TAS2R14: variants seen among roughly 807,000 people sequenced by gnomAD.
TAS2R14 encodes taste receptor type 2 member 14.
For synonymous variants in TAS2R14, 131 were observed against 131.0 expected (o/e 1.00, Z 0.00); for missense variants, 383 against 372.0 (o/e 1.03, Z -0.24).
At chr12:10,937,590 C>G (rs1320789501) in exon 1 of TAS2R14, 7 of 152,124 alleles carry the variant, frequency 4.6e-5, no homozygotes, top group South Asian at 2.1e-4. Context: ...GATTACTTAA[C>G]ACTTTGAATG....
At chr12:10,938,464 GA>G (rs765543124) in exon 5 of TAS2R14, 2 of 1,614,002 alleles carry the variant, frequency 1.2e-6, no homozygotes, top group South Asian at 2.2e-5. Flanking sequence ...AAACTGATAT[GA>G]AAAAAGACAG....
chr12:10,938,065 T>G (rs868049996), exon 1 of TAS2R14: 14 of 493,522 alleles, frequency 2.8e-5, no homozygotes, highest in Middle Eastern at 5.3e-4. Flanking sequence ...TTTATAGTAT[T>G]CGCATTCTTC....
At chr12:10,939,091 T>C in exon 1 of TAS2R14, 2 of 1,614,032 alleles carry the variant, frequency 1.2e-6, no homozygotes, top group Non-Finnish European at 1.7e-6. Flanking sequence ...AAGAGATCTT[T>C]CTTCCCTTGA....
At chr12:10,938,551 G>A (rs367647949) in exon 1 of TAS2R14, 22 of 1,613,864 alleles carry the variant, frequency 1.4e-5, no homozygotes, top group Middle Eastern at 1.6e-4. Context: ...TGGCGTCTCC[G>A]GATATTTTGA....
At chr12:10,938,174 C>CA in exon 1 of TAS2R14, 1 of 972,394 alleles carries the variant, frequency 1.0e-6, no homozygotes, top group South Asian at 1.8e-5. Flanking sequence ...CAAAGTTATA[C>CA]ACAATGAAAG....
chr12:10,938,384 C>G, exon 1 of TAS2R14: 1 of 1,614,024 alleles, frequency 6.2e-7, no homozygotes, highest in Non-Finnish European at 8.5e-7. Context: ...ACATGAGTGA[C>G]ATGAAGGATA....
At chr12:10,938,524 T>C in exon 1 of TAS2R14, 1 of 1,614,052 alleles carries the variant, frequency 6.2e-7, no homozygotes, top group Non-Finnish European at 8.5e-7. Context: ...TTTTAACTCC[T>C]CTGTGGGCTT....
At chr12:10,938,895 T>C in exon 1 of TAS2R14, 1 of 1,613,944 alleles carries the variant, frequency 6.2e-7, no homozygotes, top group Non-Finnish European at 8.5e-7. Flanking sequence ...AAATAAAAAG[T>C]ACCGAGGCCT....
exon 1 of TAS2R14, chr12:10,939,078 C>T (rs777955705): frequency 8.7e-6 from 14 of 1,613,848 alleles, no homozygotes; most frequent in Non-Finnish European, 7.6e-6. Flanking sequence ...ATCCGATCAA[C>T]CGAAGAGATC....
chr12:10,938,556 T>A (rs1950331512), exon 1 of TAS2R14: 1 of 1,614,032 alleles, frequency 6.2e-7, no homozygotes, highest in Non-Finnish European at 8.5e-7. Context: ...TCTCCGGATA[T>A]TTTGACAGTG....
exon 1 of TAS2R14, chr12:10,937,874 T>C (rs1033290626): frequency 1.2e-5 from 2 of 160,680 alleles, no homozygotes; most frequent in African/African-American, 4.8e-5. Flanking sequence ...AAATTCCATA[T>C]TCTTTTATGT....
chr12:10,938,164 CAA>C (rs1383502013), exon 1 of TAS2R14: 7 of 901,170 alleles, frequency 7.8e-6, no homozygotes, highest in African/African-American at 5.1e-5. Flanking sequence ...GTAAAATTCA[CAA>C]AGTTATACAC....
rs1214263515 is a variant in TAS2R14, at chr12:10,938,407, C to T, written c.801G>A (p.Val267=). 8.1e-6 allele frequency: 13 copies of T among 1,613,892 alleles called. 1 individual carries two copies. The Middle Eastern group carries it at 6.6e-4, about 82-fold the overall frequency. ...GACATGAAGGATAAGCCATTCCCAT[C>T]ACCTGGGAAAGAATAATTAGATTTT... Residue 267 remains valine, a synonymous_variant, in exon 1 of 1, where the codon GTG becomes GTA. Transcript: ENST00000537503.
rs146833217 is a variant in TAS2R14, at chr12:10,938,949, T to C, written c.259A>G (p.Asn87Asp). The stretch of plus-strand genomic sequence containing the variant: ...AAATGATTGATCACTGTCCAGATAT[T>C]AGTAAGCATTCTGAACATTTTTTCA... The change falls in exon 1 of 1, where the codon AAT becomes GAT. Residue 87 changes from asparagine to aspartate, a missense_variant. Coordinates refer to ENST00000537503, the Ensembl canonical transcript of TAS2R14. 2.5e-6 allele frequency: 4 copies of C among 1,613,718 alleles called. No homozygotes were observed. The highest frequency in any genetic ancestry group is 1.7e-4 in the Middle Eastern group (1 of 6,052).
chr12:10,939,059 G>A (rs758377499), exon 1 of TAS2R14: 11 of 1,613,978 alleles, frequency 6.8e-6, no homozygotes, highest in Non-Finnish European at 9.3e-6. Context: ...GATTGCCAAA[G>A]CAGTGAGGAT....
chr12:10,937,771 AATTCAACAAACGAAG>A (rs1408453227), exon 1 of TAS2R14: 1 of 152,378 alleles, frequency 6.6e-6, no homozygotes, highest in East Asian at 1.9e-4. Context: ...GCTGGCTTCT[AATTCAACAAACGAAG>A]CAAATTACTT....
At chr12:10,938,931 T>A in exon 1 of TAS2R14, 1 of 1,613,872 alleles carries the variant, frequency 6.2e-7, no homozygotes, top group Non-Finnish European at 8.5e-7. Flanking sequence ...CTAAAATGAT[T>A]GATCACTGTC....
chr12:10,939,255 C>T (rs3863321), exon 1 of TAS2R14: 1 of 1,070,168 alleles, frequency 9.3e-7, no homozygotes, highest in Non-Finnish European at 1.3e-6. Flanking sequence ...CTGAAGACTT[C>T]TTAATGCATT....
chr12:10,938,670 C>A (rs1950336163), exon 1 of TAS2R14: 2 of 1,613,890 alleles, frequency 1.2e-6, no homozygotes, highest in Non-Finnish European at 1.7e-6. Context: ...CTGGTTAATA[C>A]AATAAGACTG....
Sources: gnomAD v4.1 joint callset for allele counts on GRCh38, gnomAD v4.1.1 for gene constraint, MANE v1.5 for transcripts, NCBI Gene and HGNC (gene_info 2026-07-23, HGNC 2026-07-21) for gene names.